Variants in ANKRD45 observed in about 807,000 individuals in gnomAD.
The protein encoded by ANKRD45 is ankyrin repeat domain-containing protein 45.
Under a neutral mutation model 28.1 loss-of-function variants are expected in ANKRD45, and 21 were observed. The observed-to-expected ratio is 0.75, with a 90% CI of 0.53 to 1.08. ANKRD45 has a LOEUF of 1.08. Among genes scored for constraint, ANKRD45 ranks in the 50% least tolerant of loss-of-function variants. The probability of loss-of-function intolerance (pLI) is 0.00; values close to 1 mark genes in which losing one functional copy is unlikely to be tolerated. For missense variants in ANKRD45, 261 were observed against 308.7 expected, an observed-to-expected ratio of 0.85 and a Z score of 1.16; for synonymous variants, 86 against 103.9, an observed-to-expected ratio of 0.83 and a Z score of 1.05.
chr1:173,711,723 G>A, the ANKRD45 span, among the ~76,000 whole-genome samples: 1 of 152,168 alleles, frequency 6.6e-6, no homozygotes. Flanking sequence ...GTCTTACTCA[G>A]GTGGCAGAAA....
At chr1:173,649,791 A>T (rs994121550) in intron 2 of ANKRD45, among the ~76,000 whole-genome samples, 2 of 152,128 alleles carry the variant, frequency 1.3e-5, no homozygotes, top group African/African-American at 2.4e-5. Flanking sequence ...TCTTACAATC[A>T]TCTGTAATTG....
chr1:173,651,014 T>G (rs1188585007), intron 2 of ANKRD45, among the ~76,000 whole-genome samples: 1 of 152,222 alleles, frequency 6.6e-6, no homozygotes, highest in Non-Finnish European at 1.5e-5. Flanking sequence ...ATGGGCAGAT[T>G]GCAAAAATTT....
chr1:173,649,587 T>A (rs1211424493), intron 2 of ANKRD45, among the ~76,000 whole-genome samples: 2 of 152,194 alleles, frequency 1.3e-5, no homozygotes, highest in Non-Finnish European at 2.9e-5. Context: ...CATAGATATA[T>A]CCTTTGTCTG....
chr1:173,632,536 A>C (rs548876252), intron 3 of ANKRD45, among the ~76,000 whole-genome samples: 34 of 151,706 alleles, frequency 2.2e-4, no homozygotes, highest in African/African-American at 8.2e-4. Context: ...ATCAAAAAAA[A>C]AAAAAACAAA....
intron 5 of ANKRD45, among the ~76,000 whole-genome samples, chr1:173,613,967 A>AC (rs919673894): frequency 1.3e-5 from 2 of 152,012 alleles, no homozygotes; most frequent in African/African-American, 2.4e-5. Context: ...CTATGACCTT[A>AC]CCCCCAACCC....
the ANKRD45 span, among the ~76,000 whole-genome samples, chr1:173,711,394 C>G: frequency 2.0e-5 from 3 of 152,136 alleles, no homozygotes; most frequent in African/African-American, 7.2e-5. Context: ...ACTTTGGTTC[C>G]GTTTGGAAAG....
chr1:173,627,995 C>T (rs1440156646), intron 3 of ANKRD45, among the ~76,000 whole-genome samples: 1 of 151,082 alleles, frequency 6.6e-6, no homozygotes, highest in Non-Finnish European at 1.5e-5. Flanking sequence ...GGCCCTAACT[C>T]CAAAGTGGTA....
At chr1:173,653,060 T>C (rs138194218) in intron 2 of ANKRD45, among the ~76,000 whole-genome samples, 14 of 152,310 alleles carry the variant, frequency 9.2e-5, no homozygotes, top group African/African-American at 2.4e-4. Flanking sequence ...CCTGTATTCA[T>C]TGATTTTTTT....
the ANKRD45 span, among the ~76,000 whole-genome samples, chr1:173,680,896 T>A: frequency 2.1e-5 from 3 of 140,548 alleles, no homozygotes; most frequent in African/African-American, 8.0e-5. Flanking sequence ...TTCTCATTCA[T>A]AAGTGAGAGT....
chr1:173,692,533 T>C, the ANKRD45 span, among the ~76,000 whole-genome samples: 1 of 152,170 alleles, frequency 6.6e-6, no homozygotes, highest in Admixed American at 6.5e-5. Context: ...CAGCTTGACT[T>C]TTCCCTTTAG....
chr1:173,645,710 A>G (rs1668886948), intron 3 of ANKRD45, among the ~76,000 whole-genome samples: 1 of 152,154 alleles, frequency 6.6e-6, no homozygotes, highest in African/African-American at 2.4e-5. Flanking sequence ...CTACTACTCA[A>G]TAAGGCAATC....
the ANKRD45 span, among the ~76,000 whole-genome samples, chr1:173,697,977 C>A: frequency 1.4e-5 from 2 of 147,632 alleles, no homozygotes; most frequent in African/African-American, 2.6e-5. Flanking sequence ...GAAAATTTAC[C>A]AAGAAAATGG....
chr1:173,639,294 A>G (rs898284812), intron 3 of ANKRD45, among the ~76,000 whole-genome samples: 2 of 152,226 alleles, frequency 1.3e-5, no homozygotes, highest in Non-Finnish European at 2.9e-5. Context: ...GTCCCAGGGC[A>G]TAAAGGACTT....
At chr1:173,637,712 T>C (rs1291297771) in intron 3 of ANKRD45, among the ~76,000 whole-genome samples, 1 of 152,224 alleles carries the variant, frequency 6.6e-6, no homozygotes, top group Non-Finnish European at 1.5e-5. Flanking sequence ...TTTGTTGGTG[T>C]GTGGCAAGAC....
intron 3 of ANKRD45, among the ~76,000 whole-genome samples, chr1:173,627,674 A>C (rs1283971318): frequency 6.6e-6 from 1 of 152,026 alleles, no homozygotes. Context: ...TGGGGTCCTA[A>C]ATAAATTTGA....
chr1:173,644,539 C>T (rs1668839094), intron 3 of ANKRD45, among the ~76,000 whole-genome samples: 1 of 152,076 alleles, frequency 6.6e-6, no homozygotes, highest in African/African-American at 2.4e-5. Context: ...GCTCCAAGAA[C>T]CTAAGGACTC....
chr1:173,642,810 A>G (rs1424443902), intron 3 of ANKRD45, among the ~76,000 whole-genome samples: 1 of 152,200 alleles, frequency 6.6e-6, no homozygotes, highest in African/African-American at 2.4e-5. Context: ...CTAGCCAATC[A>G]GGTTGAGTAC....
intron 3 of ANKRD45, among the ~76,000 whole-genome samples, chr1:173,632,879 C>T (rs1391545994): frequency 6.6e-6 from 1 of 152,012 alleles, no homozygotes; most frequent in Non-Finnish European, 1.5e-5. Flanking sequence ...ATATGACAGA[C>T]CCACAGCTGG....
intron 5 of ANKRD45, among the ~76,000 whole-genome samples, chr1:173,613,995 G>A (rs1329041950): frequency 2.6e-5 from 4 of 152,162 alleles, no homozygotes; most frequent in Non-Finnish European, 5.9e-5. Flanking sequence ...TCTGAAACAT[G>A]TGCTGTGTCC....
Sources: allele counts gnomAD v4.1 joint callset (sites outside exome capture counted in the v4.1 genomes callset), GRCh38; gene constraint gnomAD v4.1.1; transcripts MANE v1.5; gene names NCBI Gene and HGNC (gene_info 2026-07-23, HGNC 2026-07-21).